The following WDR7 variants were observed in gnomAD, a reference collection of about 807,000 sequenced individuals.
The protein encoded by WDR7 is WD repeat domain 7.
Under a neutral mutation model 169.4 loss-of-function variants are expected in WDR7, and 46 were observed. The observed-to-expected ratio is 0.27, with a 90% CI of 0.21 to 0.35. The LOEUF (loss-of-function observed/expected upper bound fraction) is 0.35, where lower values mean the gene tolerates loss of function less well. Among genes scored for constraint, WDR7 ranks in the 10% least tolerant of loss-of-function variants. WDR7 has a pLI of 1.00. For missense variants in WDR7, 1,534 were observed against 1,859.3 expected (o/e 0.83, Z 3.22); for synonymous variants, 612 against 666.8 (o/e 0.92, Z 1.27).
intron 20 of WDR7, among the ~76,000 whole-genome samples, chr18:56,850,299 C>T (rs562935860): frequency 1.3e-5 from 2 of 152,260 alleles, no homozygotes; most frequent in South Asian, 4.2e-4. Context: ...GATGTAAATG[C>T]TGTAAAGCAG....
intron 20 of WDR7, among the ~76,000 whole-genome samples, chr18:56,843,863 T>C (rs989929824): frequency 1.3e-5 from 2 of 151,466 alleles, no homozygotes; most frequent in Non-Finnish European, 2.9e-5. Flanking sequence ...CTTTCTTTTT[T>C]TTTTTTTTTT....
chr18:56,893,982 C>T (rs2046298363), intron 21 of WDR7, among the ~76,000 whole-genome samples: 1 of 152,102 alleles, frequency 6.6e-6, no homozygotes, highest in African/African-American at 2.4e-5. Flanking sequence ...ACCTATTCTA[C>T]TTGTGGCCTT....
chr18:56,655,581 A>G (rs1456860796), intron 1 of WDR7, among the ~76,000 whole-genome samples: 2 of 147,798 alleles, frequency 1.4e-5, no homozygotes, highest in East Asian at 2.0e-4. Context: ...TGATTATGCC[A>G]CTGCACTCTA....
At chr18:56,860,001 A>G (rs9944916) in intron 20 of WDR7, among the ~76,000 whole-genome samples, 8,606 of 152,266 alleles carry the variant, frequency 0.057, 859 homozygotes, top group African/African-American at 0.2. Flanking sequence ...ATATAAATGC[A>G]AGAAAAGTAT....
chr18:56,786,230 G>A (rs2044397049), intron 19 of WDR7, among the ~76,000 whole-genome samples: 1 of 152,068 alleles, frequency 6.6e-6, no homozygotes, highest in Non-Finnish European at 1.5e-5. Context: ...CTCACAGATT[G>A]TTATAAGAAT....
intron 19 of WDR7, among the ~76,000 whole-genome samples, chr18:56,808,772 A>G (rs563997379): frequency 1.3e-5 from 2 of 152,254 alleles, no homozygotes; most frequent in East Asian, 1.9e-4. Flanking sequence ...ACTATACCCA[A>G]TTTTACTGGT....
At chr18:56,811,751 A>G (rs1039989541) in intron 19 of WDR7, among the ~76,000 whole-genome samples, 3 of 151,784 alleles carry the variant, frequency 2.0e-5, no homozygotes, top group African/African-American at 7.3e-5. Flanking sequence ...CCCCCATCGA[A>G]TTGGTTTTGC....
intron 7 of WDR7, among the ~76,000 whole-genome samples, chr18:56,690,033 C>G (rs1470846120): frequency 1.3e-5 from 2 of 152,038 alleles, no homozygotes; most frequent in Non-Finnish European, 2.9e-5. Flanking sequence ...AACCTCTGAT[C>G]TATTGAGGAA....
chr18:56,847,666 C>T (rs1401283697), intron 20 of WDR7, among the ~76,000 whole-genome samples: 1 of 152,202 alleles, frequency 6.6e-6, no homozygotes, highest in Non-Finnish European at 1.5e-5. Context: ...AAGCTCAAGG[C>T]CCTGTTTTCC....
chr18:56,846,111 G>A lies in WDR7; in HGVS notation c.3304+29967G>A, dbSNP rs144530026. On this transcript the variant is annotated intron_variant, in intron 20 of 27. Coordinates refer to ENST00000254442, the MANE Select transcript of WDR7 (RefSeq NM_015285.3). Reference sequence around the variant, plus strand: ...ATATATTGTGACAAGGCAGAATATTGACTAACAAAAATACTTTTATTTTCT... The same window carrying A: ...ATATATTGTGACAAGGCAGAATATTAACTAACAAAAATACTTTTATTTTCT... 8.2e-3 allele frequency among the ~76,000 whole-genome samples: 1,244 copies of A among 152,244 alleles called. 21 individuals are homozygous for A. The highest frequency in any genetic ancestry group is 0.026 in the African/African-American group (1,092 of 41,556).
chr18:56,688,528 C>A (rs1239393547), intron 7 of WDR7, among the ~76,000 whole-genome samples: 2 of 148,192 alleles, frequency 1.3e-5, no homozygotes, highest in Non-Finnish European at 3.0e-5. Context: ...ACCAGCCTGG[C>A]CAACATGTGA....
chr18:56,834,232 C>T (rs1004291458), intron 20 of WDR7, among the ~76,000 whole-genome samples: 22 of 152,156 alleles, frequency 1.4e-4, no homozygotes, highest in African/African-American at 5.1e-4. Flanking sequence ...TAGATTGAAA[C>T]CTAATCATGA....
At chr18:56,797,631 C>A (rs188726795) in intron 19 of WDR7, among the ~76,000 whole-genome samples, 1 of 152,018 alleles carries the variant, frequency 6.6e-6, no homozygotes, top group East Asian at 1.9e-4. Context: ...GATTTCAATT[C>A]TTTATCTGAT....
At chr18:57,026,872 T>G in intron 27 of WDR7, 132 bp from the exon 28 acceptor site, 1 of 940,532 alleles carries the variant, frequency 1.1e-6, no homozygotes. Context: ...TTTGAGAGGT[T>G]AAGAACAAGC....
chr18:57,017,412 C>CTGTGTGTGTGTGTGTG (rs10571337), intron 26 of WDR7, among the ~76,000 whole-genome samples: 1 of 143,660 alleles, frequency 7.0e-6, no homozygotes, highest in Non-Finnish European at 1.5e-5. Context: ...CAGCATCATG[C>CTGTGTGTGTGTGTGTG]TGTGTGTGTG....
chr18:57,003,396 T>C (rs934675279), intron 26 of WDR7, among the ~76,000 whole-genome samples: 1 of 152,112 alleles, frequency 6.6e-6, no homozygotes, highest in Non-Finnish European at 1.5e-5. Context: ...TGTTACTTTT[T>C]GAACAACATT....
chr18:56,814,693 C>T (rs1024882304), intron 19 of WDR7, among the ~76,000 whole-genome samples: 1 of 151,974 alleles, frequency 6.6e-6, no homozygotes, highest in African/African-American at 2.4e-5. Flanking sequence ...GGGTACTATG[C>T]TTATTACCTG....
At chr18:56,671,295 T>G (rs919664353) in intron 1 of WDR7, among the ~76,000 whole-genome samples, 3 of 150,868 alleles carry the variant, frequency 2.0e-5, no homozygotes, top group African/African-American at 7.3e-5. Context: ...CAAAGTGTTT[T>G]TTTTTTTTTT....
At chr18:56,971,540 G>A (rs1037447980) in intron 26 of WDR7, among the ~76,000 whole-genome samples, 6 of 152,090 alleles carry the variant, frequency 3.9e-5, no homozygotes, top group Admixed American at 1.3e-4. Context: ...TTGAAGTGCC[G>A]TGCACAACCT....
Sources: allele counts gnomAD v4.1 joint callset (sites outside exome capture counted in the v4.1 genomes callset), GRCh38; gene constraint gnomAD v4.1.1; transcripts MANE v1.5; gene names NCBI Gene and HGNC (gene_info 2026-07-23, HGNC 2026-07-21).